Variants in SNX5 observed in about 807,000 individuals in gnomAD.
SNX5 encodes sorting nexin 5, also known as sorting nexin-5.
Under a neutral mutation model 53.9 loss-of-function variants are expected in SNX5, and 31 were observed. That is an observed-to-expected ratio of 0.58 (90% CI 0.43 to 0.78). SNX5 has a LOEUF of 0.78. Ranked by LOEUF, SNX5 falls within the 30% of genes least tolerant of loss-of-function variation. The pLI, the probability that SNX5 is intolerant of heterozygous loss-of-function variation, is 0.00. For missense variants in SNX5, 471 were observed against 478.8 expected (o/e 0.98, Z 0.15); for synonymous variants, 168 against 171.1 (o/e 0.98, Z 0.14).
intron 2 of SNX5, among the ~76,000 whole-genome samples, chr20:17,956,162 A>G (rs1406544362): frequency 6.6e-6 from 1 of 152,260 alleles, no homozygotes; most frequent in East Asian, 1.9e-4. Context: ...AAAACCTCTT[A>G]GCTGTAACTT....
At chr20:17,965,723 T>C (rs945870916) in intron 1 of SNX5, among the ~76,000 whole-genome samples, 1 of 147,722 alleles carries the variant, frequency 6.8e-6, no homozygotes, top group African/African-American at 2.5e-5. Flanking sequence ...GCCAAAATAA[T>C]GTGAACAGAT....
intron 8 of SNX5, 32 bp downstream of exon 8, chr20:17,950,100 G>A: frequency 6.3e-7 from 1 of 1,591,680 alleles, no homozygotes; most frequent in South Asian, 1.1e-5. Flanking sequence ...CTTCAATTGG[G>A]TTAGGGGAAA....
At chr20:17,960,945 G>A (rs1353373885) in intron 1 of SNX5, among the ~76,000 whole-genome samples, 1 of 152,100 alleles carries the variant, frequency 6.6e-6, no homozygotes, top group East Asian at 1.9e-4. Context: ...TAAAGTTTCA[G>A]TTCATGATGT....
intron 1 of SNX5, among the ~76,000 whole-genome samples, chr20:17,967,394 TAATA>T (rs1304728283): frequency 4.6e-5 from 7 of 152,248 alleles, no homozygotes; most frequent in African/African-American, 1.4e-4. Flanking sequence ...AGCTCTATTT[TAATA>T]ATTAATGCAA....
intron 1 of SNX5, among the ~76,000 whole-genome samples, chr20:17,959,542 G>A (rs2035415983): frequency 6.6e-6 from 1 of 152,158 alleles, no homozygotes; most frequent in Non-Finnish European, 1.5e-5. Flanking sequence ...TGACATGACA[G>A]TCCTAACCAC....
chr20:17,949,025 TAA>T, intron 9 of SNX5, 37 bp downstream of exon 9: 2 of 1,608,472 alleles, frequency 1.2e-6, no homozygotes, highest in African/African-American at 1.3e-5. Context: ...CTATAGATTA[TAA>T]AATATATATT....
rs1195154866 is a variant in SNX5, at chr20:17,948,887, T to C, written c.918+3A>G. 10 of 1,611,204 alleles carry C rather than the reference T, an allele frequency of 6.2e-6. No individual in the cohort carries two copies. Among genetic ancestry groups the C allele is most frequent in the Non-Finnish European group, 8.5e-6 (10 of 1,179,172 alleles). On this transcript the variant is annotated splice_donor_region_variant and intron_variant, in intron 10 of 12. Coordinates refer to ENST00000377759, the MANE Select transcript of SNX5 (RefSeq NM_014426.4). ...CTGAGAAGCTGAGCAACTCTCTTCC[T>C]ACCTTAGCAGCTTCAATGTTGAGCA...
chr20:17,959,276 C>T (rs769401761), intron 1 of SNX5, among the ~76,000 whole-genome samples: 10 of 152,222 alleles, frequency 6.6e-5, no homozygotes, highest in Non-Finnish European at 1.2e-4. Flanking sequence ...AGCTGCTTTT[C>T]GTTCCTCTGA....
At chr20:17,962,691 A>C (rs1040990903) in intron 1 of SNX5, 3 of 518,406 alleles carry the variant, frequency 5.8e-6, no homozygotes, top group African/African-American at 3.9e-5. Flanking sequence ...CTTAATAAAA[A>C]ACTAAAGGGC....
rs1201341354 is a variant in SNX5, at chr20:17,950,294, T to G, written c.712A>C (p.Lys238Gln). Residue 238 changes from lysine (K) to glutamine (Q), a missense_variant, in exon 7 of 13, where the codon AAA becomes CAA. Lys to Gln is a moderately conservative substitution (Grantham distance 53). Coordinates refer to ENST00000377759, the MANE Select transcript of SNX5 (RefSeq NM_014426.4). ...ACTAGCGGTAAATGATATTTACTTT[T>G]ATGAGATCTGGTCATTTTGTCAGCT... Reference protein sequence around the residue: ...VKADKMTRSHKNVADDYIHTA... With the variant: ...VKADKMTRSHQNVADDYIHTA... 6.2e-7 allele frequency: 1 copy of G among 1,612,120 alleles called. No homozygotes were observed. Among genetic ancestry groups the G allele is most frequent in the Non-Finnish European group, 8.5e-7 (1 of 1,178,236 alleles).
chr20:17,951,199 G>C (rs1463941698), intron 6 of SNX5: 1 of 290,330 alleles, frequency 3.4e-6, no homozygotes, highest in African/African-American at 2.2e-5. Flanking sequence ...TCTGAGAGTG[G>C]GATAAAATAC....
At chr20:17,944,002 C>T (rs181044533) in intron 11 of SNX5, 24 of 152,302 alleles carry the variant, frequency 1.6e-4, no homozygotes, top group African/African-American at 5.8e-4. Flanking sequence ...ATTATACTAT[C>T]CGGCCTTTTA....
intron 10 of SNX5, 87 bp from the exon 11 acceptor site, chr20:17,947,732 T>C (rs1424494377): frequency 1.8e-6 from 2 of 1,136,030 alleles, no homozygotes; most frequent in Non-Finnish European, 1.2e-6. Flanking sequence ...CCTGAGATGT[T>C]AGTGGCAATA....
chr20:17,966,500 C>T (rs185139425), intron 1 of SNX5, among the ~76,000 whole-genome samples: 8 of 152,340 alleles, frequency 5.3e-5, no homozygotes, highest in Admixed American at 4.6e-4. Context: ...CCAACACCCT[C>T]GGCTAAAGAA....
At chr20:17,960,741 C>A (rs1476404631) in intron 1 of SNX5, among the ~76,000 whole-genome samples, 9 of 146,546 alleles carry the variant, frequency 6.1e-5, no homozygotes, top group African/African-American at 2.3e-4. Context: ...CGCACCACTG[C>A]ACTTCAGCCT....
chr20:17,958,022 AG>A (rs1205103873), intron 1 of SNX5, among the ~76,000 whole-genome samples: 10 of 143,052 alleles, frequency 7.0e-5, no homozygotes, highest in African/African-American at 1.9e-4. Flanking sequence ...AAAAAAAAAA[AG>A]AGAGGAGAGA....
chr20:17,957,062 G>C, intron 1 of SNX5, 25 bp from the exon 2 acceptor site: 3 of 1,322,530 alleles, frequency 2.3e-6, no homozygotes, highest in South Asian at 1.2e-5. Context: ...TTGCGTATTA[G>C]TTTCAAACTC....
intron 1 of SNX5, among the ~76,000 whole-genome samples, chr20:17,958,398 A>G (rs1446755750): frequency 9.2e-5 from 14 of 152,194 alleles, no homozygotes; most frequent in Admixed American, 9.2e-4. Context: ...AAGACTAAAT[A>G]TATTCACTAA....
Position 17,950,282 on chromosome 20 carries a change from G to T in SNX5, c.715+9C>A, listed in dbSNP as rs745419673. 8 of 1,605,684 alleles carry T rather than the reference G, an allele frequency of 5.0e-6. No homozygotes were observed. In the South Asian group the frequency reaches 5.5e-5, roughly 11 times the overall value. On this transcript the variant is annotated intron_variant, in intron 7 of 12. Coordinates refer to ENST00000377759, the MANE Select transcript of SNX5 (RefSeq NM_014426.4). ...AGCAAAGCTCTGACTAGCGGTAAAT[G>T]ATATTTACTTTTATGAGATCTGGTC...
Sources: allele counts gnomAD v4.1 joint callset (sites outside exome capture counted in the v4.1 genomes callset), GRCh38; gene constraint gnomAD v4.1.1; transcripts MANE v1.5; gene names NCBI Gene and HGNC (gene_info 2026-07-23, HGNC 2026-07-21).